Variants in PLCB1 observed in about 807,000 individuals in gnomAD.
The protein encoded by PLCB1 is 1-phosphatidylinositol 4,5-bisphosphate phosphodiesterase beta-1.
A neutral mutation model predicts 161.8 loss-of-function variants in PLCB1; 46 were observed. The observed-to-expected ratio is 0.28, with a 90% CI of 0.22 to 0.36. The LOEUF is 0.36. Ranked by LOEUF, PLCB1 falls within the 10% of genes least tolerant of loss-of-function variation. The probability of loss-of-function intolerance (pLI) is 1.00; values close to 1 mark genes in which losing one functional copy is unlikely to be tolerated. For missense variants in PLCB1, 1,016 were observed against 1,472.5 expected (o/e 0.69, Z 5.07); for synonymous variants, 517 against 503.7 (o/e 1.03, Z -0.35).
intron 3 of PLCB1, among the ~76,000 whole-genome samples, chr20:8,436,443 AAAC>A (rs1374592633): frequency 6.2e-5 from 8 of 128,684 alleles, no homozygotes; most frequent in African/African-American, 2.4e-4. Flanking sequence ...AAGAAAAAAA[AAAC>A]AAGACAACAA....
intron 23 of PLCB1, among the ~76,000 whole-genome samples, chr20:8,745,169 GA>G (rs1036419963): frequency 2.6e-5 from 4 of 151,528 alleles, no homozygotes; most frequent in African/African-American, 4.9e-5. Context: ...ACAACTCAAG[GA>G]AAAAAAATCA....
At chr20:8,301,214 T>C (rs1437264395) in intron 2 of PLCB1, among the ~76,000 whole-genome samples, 1 of 152,200 alleles carries the variant, frequency 6.6e-6, no homozygotes, top group African/African-American at 2.4e-5. Flanking sequence ...TAATGCCATG[T>C]TCTGCAATAT....
At chr20:8,554,706 T>C (rs1281101279) in intron 3 of PLCB1, among the ~76,000 whole-genome samples, 1 of 152,164 alleles carries the variant, frequency 6.6e-6, no homozygotes, top group Non-Finnish European at 1.5e-5. Flanking sequence ...CCAAATTGCA[T>C]TGATCCATAT....
chr20:8,274,671 A>AT (rs1338240655), intron 2 of PLCB1, among the ~76,000 whole-genome samples: 2 of 151,896 alleles, frequency 1.3e-5, no homozygotes, highest in African/African-American at 2.4e-5. Context: ...ATCAAGGTCT[A>AT]TTTTTTTAAT....
Position 8,740,433 on chromosome 20 carries a change from C to G in PLCB1, c.2398C>G (p.Pro800Ala). 6.3e-7 allele frequency: 1 copy of G among 1,580,000 alleles called. No homozygotes were observed. The highest frequency in any genetic ancestry group is 1.2e-5 in the South Asian group (1 of 85,700). Residue 800 changes from proline (P) to alanine (A), a missense_variant, in exon 22 of 32, where the codon CCA (proline) becomes GCA (alanine). This residue lies in a region of PLCB1 where 75 missense variants were observed against 117.0 expected (regional missense o/e 0.64). Coordinates refer to ENST00000338037, the MANE Select transcript of PLCB1 (RefSeq NM_015192.4). ...FVYIEVKDYV[P>A]DTYADVIEAL... ...CTACATAGAAGTGAAAGACTATGTG[C>G]CAGACACATATGCAGGTAAACAACT...
intron 2 of PLCB1, among the ~76,000 whole-genome samples, chr20:8,221,112 T>C (rs1779652293): frequency 6.6e-6 from 1 of 152,174 alleles, no homozygotes; most frequent in Non-Finnish European, 1.5e-5. Flanking sequence ...GCAGCTTGAA[T>C]ATATGCATAC....
At chr20:8,778,616 A>T (rs1390541764) in intron 27 of PLCB1, among the ~76,000 whole-genome samples, 4 of 152,166 alleles carry the variant, frequency 2.6e-5, no homozygotes, top group Admixed American at 2.0e-4. Context: ...GTTCAGAGGG[A>T]CATAAATACA....
intron 31 of PLCB1, among the ~76,000 whole-genome samples, chr20:8,817,106 C>A (rs1345192005): frequency 6.6e-6 from 1 of 152,152 alleles, no homozygotes; most frequent in Non-Finnish European, 1.5e-5. Flanking sequence ...ATAGAAAATG[C>A]CGCATCTGTT....
chr20:8,876,078 C>T (rs1201824056), intron 31 of PLCB1, among the ~76,000 whole-genome samples: 4 of 152,084 alleles, frequency 2.6e-5, no homozygotes, highest in African/African-American at 9.7e-5. Flanking sequence ...TGCTTAACTA[C>T]CCAGAGTTCA....
chr20:8,774,379 C>T (rs1982841084), intron 26 of PLCB1, among the ~76,000 whole-genome samples, 160 bp from the exon 27 acceptor site: 1 of 152,194 alleles, frequency 6.6e-6, no homozygotes, highest in African/African-American at 2.4e-5. Flanking sequence ...CACTCTATTG[C>T]TAAGCTTGTC....
chr20:8,251,006 A>G (rs1001610744), intron 2 of PLCB1, among the ~76,000 whole-genome samples: 4 of 151,990 alleles, frequency 2.6e-5, no homozygotes, highest in Non-Finnish European at 5.9e-5. Flanking sequence ...TATAAACATT[A>G]GGAATTTATT....
chr20:8,795,890 A>AAAAAAAAAAAAAAG (rs1555791244), intron 31 of PLCB1, among the ~76,000 whole-genome samples: 1 of 139,780 alleles, frequency 7.2e-6, no homozygotes, highest in Non-Finnish European at 1.5e-5. Context: ...AAAAAAAAAA[A>AAAAAAAAAAAAAAG]AAAAGAAAAG....
chr20:8,387,970 C>CTTT (rs35435405), intron 3 of PLCB1, among the ~76,000 whole-genome samples: 9 of 133,090 alleles, frequency 6.8e-5, no homozygotes, highest in African/African-American at 2.6e-4. Context: ...TGTTTTACCA[C>CTTT]TTTTTTTAAA....
chr20:8,257,243 A>G (rs566004774), intron 2 of PLCB1, among the ~76,000 whole-genome samples: 1 of 152,248 alleles, frequency 6.6e-6, no homozygotes, highest in South Asian at 2.1e-4. Context: ...ATCTCCTTAG[A>G]GTAGTTTCAT....
intron 3 of PLCB1, among the ~76,000 whole-genome samples, chr20:8,502,653 A>C (rs1022660956): frequency 6.6e-6 from 1 of 152,100 alleles, no homozygotes; most frequent in Non-Finnish European, 1.5e-5. Flanking sequence ...TTACTCCTCC[A>C]TTTTTGGTTC....
At chr20:8,484,780 T>G (rs972466664) in intron 3 of PLCB1, among the ~76,000 whole-genome samples, 1 of 152,208 alleles carries the variant, frequency 6.6e-6, no homozygotes, top group Non-Finnish European at 1.5e-5. Context: ...TTCAGATCAT[T>G]TATCAAAATC....
At chr20:8,455,435 T>C (rs1418294199) in intron 3 of PLCB1, among the ~76,000 whole-genome samples, 3 of 52,464 alleles carry the variant, frequency 5.7e-5, no homozygotes, top group African/African-American at 2.4e-4. Context: ...TCTTCCTCTT[T>C]TTTTTTTTTT....
chr20:8,333,529 C>G (rs902073767), intron 2 of PLCB1, among the ~76,000 whole-genome samples: 1 of 152,122 alleles, frequency 6.6e-6, no homozygotes, highest in African/African-American at 2.4e-5. Context: ...GAACATTTGG[C>G]AATGTTGGGA....
At chr20:8,805,476 A>G (rs145155029) in intron 31 of PLCB1, among the ~76,000 whole-genome samples, 2 of 152,340 alleles carry the variant, frequency 1.3e-5, no homozygotes, top group South Asian at 2.1e-4. Context: ...ACACAAAAGA[A>G]CAGAAAACAT....
Sources: allele counts gnomAD v4.1 joint callset (sites outside exome capture counted in the v4.1 genomes callset), GRCh38; gene constraint gnomAD v4.1.1; regional missense constraint gnomAD v4.1.1; transcripts MANE v1.5; gene names NCBI Gene and HGNC (gene_info 2026-07-23, HGNC 2026-07-21).